Variants in FGF14 observed in about 807,000 individuals in gnomAD.
FGF14 encodes fibroblast growth factor homologous factor 4.
FGF14 carries 5 observed loss-of-function variants against 25.5 expected under a neutral mutation model. The ratio of observed to expected loss-of-function variants is 0.20; its 90% CI spans 0.10 to 0.41. The LOEUF is 0.41. FGF14 is among the 10% of genes least tolerant of loss of function. FGF14 has a pLI of 1.00. For missense variants in FGF14, 222 were observed against 320.1 expected, an observed-to-expected ratio of 0.69 and a Z score of 2.34; for synonymous variants, 138 against 118.3, an observed-to-expected ratio of 1.17 and a Z score of -1.08.
At chr13:102,318,306 G>A (rs142652967) in intron 1 of FGF14, among the ~76,000 whole-genome samples, 65 of 152,286 alleles carry the variant, frequency 4.3e-4, no homozygotes, top group Middle Eastern at 3.4e-3. Context: ...TCCCAACTGC[G>A]TATCCTCAGC....
chr13:102,056,141 A>G (rs763820060), intron 1 of FGF14, among the ~76,000 whole-genome samples: 3 of 152,252 alleles, frequency 2.0e-5, no homozygotes, highest in Non-Finnish European at 4.4e-5. Context: ...AGCTATGCTC[A>G]TTCATTTATA....
chr13:102,104,101 C>A (rs746695837), intron 1 of FGF14, among the ~76,000 whole-genome samples: 32 of 152,196 alleles, frequency 2.1e-4, no homozygotes, highest in Non-Finnish European at 4.4e-4. Flanking sequence ...TCTTCAGTAA[C>A]CCCGAGGACT....
chr13:101,951,317 G>T (rs1453322616), intron 1 of FGF14, among the ~76,000 whole-genome samples: 1 of 152,114 alleles, frequency 6.6e-6, no homozygotes, highest in Non-Finnish European at 1.5e-5. Context: ...AAGTTCAGAG[G>T]TTTTACCAGT....
At chr13:102,242,542 T>C (rs1016945535) in intron 1 of FGF14, among the ~76,000 whole-genome samples, 34 of 152,024 alleles carry the variant, frequency 2.2e-4, no homozygotes, top group African/African-American at 7.7e-4. Flanking sequence ...CCAAATTTGT[T>C]ATTTTATAAG....
At chr13:102,240,467 C>T (rs1313222615) in intron 1 of FGF14, among the ~76,000 whole-genome samples, 1 of 152,186 alleles carries the variant, frequency 6.6e-6, no homozygotes, top group East Asian at 1.9e-4. Flanking sequence ...AATTCAAGAG[C>T]TGATATTTGC....
chr13:102,011,973 C>T (rs531552792), intron 1 of FGF14, among the ~76,000 whole-genome samples: 25 of 152,226 alleles, frequency 1.6e-4, no homozygotes, highest in East Asian at 5.8e-4. Flanking sequence ...GTAATAAATT[C>T]GTTCTTTTAT....
chr13:102,083,339 G>GT lies in FGF14; in HGVS notation c.209-208044dup, dbSNP rs941094621. Among the ~76,000 whole-genome samples, 6 of 151,748 alleles carry GT rather than the reference G, an allele frequency of 4.0e-5. No homozygotes were observed. The South Asian group carries it at 6.3e-4, about 16-fold the overall frequency. On this transcript the variant is annotated intron_variant, in intron 1 of 4. Coordinates refer to the FGF14 transcript ENST00000376131. The stretch of plus-strand genomic sequence containing the variant: ...AAAATCTGAGGATTGAACTCTGACC[G>GT]TTTTTTTTCTTCTTGCCCAGATTTC...
intron 1 of FGF14, among the ~76,000 whole-genome samples, chr13:102,359,653 C>T (rs1170652227): frequency 6.6e-6 from 1 of 152,130 alleles, no homozygotes; most frequent in Non-Finnish European, 1.5e-5. Flanking sequence ...TTATAAGCTG[C>T]TGTTCCAAAT....
chr13:102,118,785 T>C lies in FGF14; in HGVS notation c.209-243489A>G, dbSNP rs1006486585. ...AAAATAAATCTGAAGATATTTCATA[T>C]TTGTTTACAAAGCATAAATAAGTAT... On this transcript the variant is annotated intron_variant, in intron 1 of 4. Transcript: ENST00000376131. Among the ~76,000 whole-genome samples, 5 of 152,316 alleles carry C rather than the reference T, an allele frequency of 3.3e-5. No homozygotes were observed. The South Asian group carries it at 8.3e-4, about 25-fold the overall frequency.
chr13:102,122,564 A>G (rs1284267363), intron 1 of FGF14, among the ~76,000 whole-genome samples: 1 of 152,194 alleles, frequency 6.6e-6, no homozygotes, highest in Non-Finnish European at 1.5e-5. Flanking sequence ...TTCAGTTGTT[A>G]TATGACTGCC....
At chr13:101,780,721 C>T (rs557876296) in intron 3 of FGF14, among the ~76,000 whole-genome samples, 21 of 152,172 alleles carry the variant, frequency 1.4e-4, no homozygotes, top group South Asian at 1.0e-3. Flanking sequence ...TCCCTTCAAA[C>T]TTTGAAGGGT....
intron 1 of FGF14, among the ~76,000 whole-genome samples, chr13:102,181,295 C>T (rs2048664477): frequency 6.6e-6 from 1 of 152,118 alleles, no homozygotes; most frequent in Non-Finnish European, 1.5e-5. Context: ...TGTTACCTGA[C>T]ATGGTAAAAG....
chr13:101,935,743 A>T (rs116572561), intron 1 of FGF14, among the ~76,000 whole-genome samples: 2,145 of 152,194 alleles, frequency 0.014, 44 homozygotes, highest in African/African-American at 0.048. Context: ...GGACTAATAT[A>T]CCAACCAAAT....
intron 1 of FGF14, among the ~76,000 whole-genome samples, chr13:101,883,985 C>A (rs1210123332): frequency 2.1e-5 from 3 of 143,350 alleles, no homozygotes; most frequent in Admixed American, 7.4e-5. Context: ...ATCAATTGAA[C>A]CTGGGAGGCG....
intron 1 of FGF14, among the ~76,000 whole-genome samples, chr13:102,352,464 G>A (rs1484521683): frequency 6.6e-6 from 1 of 152,130 alleles, no homozygotes; most frequent in Non-Finnish European, 1.5e-5. Context: ...TCAAACACCA[G>A]GACAAGTCCA....
intron 3 of FGF14, among the ~76,000 whole-genome samples, chr13:101,809,208 CAT>C (rs1448137035): frequency 6.6e-6 from 1 of 152,064 alleles, no homozygotes; most frequent in Non-Finnish European, 1.5e-5. Flanking sequence ...AGTTGATAAA[CAT>C]GTACATACTC....
Position 101,719,525 on chromosome 13 carries a change from A to AATTT in FGF14, c.*3302_*3305dup, listed in dbSNP as rs1555368922. On this transcript the variant is annotated 3_prime_UTR_variant, in exon 5 of 5. Coordinates refer to ENST00000376143, the MANE Select transcript of FGF14 (RefSeq NM_004115.4). ...GGTGGAGAATTGTCATGTCTTCTCT[A>AATTT]ATTTTTCCAAGTAAAGTGGTAGCAA... 3 of 152,130 alleles carry AATTT rather than the reference A, an allele frequency of 2.0e-5. No homozygotes were observed. The highest frequency in any genetic ancestry group is 4.4e-5 in the Non-Finnish European group (3 of 68,010). 9.4% of individuals were successfully genotyped at this position (152,130 alleles called of 1,614,324 possible). A position where few individuals can be genotyped will look rare whatever the true frequency, so the allele number is the denominator to read the frequency against.
intron 1 of FGF14, among the ~76,000 whole-genome samples, chr13:102,094,676 G>C (rs1269835020): frequency 6.6e-6 from 1 of 152,114 alleles, no homozygotes; most frequent in Non-Finnish European, 1.5e-5. Flanking sequence ...GAAGGGAAAA[G>C]GTAAACAGCA....
chr13:102,276,156 G>A (rs1321692593), intron 1 of FGF14, among the ~76,000 whole-genome samples: 1 of 151,368 alleles, frequency 6.6e-6, no homozygotes, highest in Non-Finnish European at 1.5e-5. Context: ...ACTCAAAGTT[G>A]GCCTGAGAAT....
Sources: allele counts gnomAD v4.1 joint callset (sites outside exome capture counted in the v4.1 genomes callset), GRCh38; gene constraint gnomAD v4.1.1; transcripts MANE v1.5; gene names NCBI Gene and HGNC (gene_info 2026-07-23, HGNC 2026-07-21).